UBN1: variants seen among roughly 807,000 people sequenced by gnomAD.
UBN1 encodes ubinuclein-1.
A neutral mutation model predicts 108.5 loss-of-function variants in UBN1; 17 were observed. The observed-to-expected ratio is 0.16, with a 90% CI of 0.11 to 0.24. The LOEUF (loss-of-function observed/expected upper bound fraction) is 0.24, where lower values mean the gene tolerates loss of function less well. UBN1 is among the 10% of genes least tolerant of loss of function. UBN1 has a pLI of 1.00. For synonymous variants in UBN1, 726 were observed against 564.2 expected, an observed-to-expected ratio of 1.29 and a Z score of -4.07; for missense variants, 1,595 against 1,394.4, an observed-to-expected ratio of 1.14 and a Z score of -2.29.
intron 3 of UBN1, among the ~76,000 whole-genome samples, chr16:4,858,302 G>A (rs923187645): frequency 2.0e-5 from 3 of 152,182 alleles, no homozygotes; most frequent in African/African-American, 7.2e-5. Context: ...AAGGGCCTGT[G>A]GTCGCCTTAG....
At chr16:4,857,963 A>ATT (rs1567898099) in intron 2 of UBN1, 27 bp from the exon 3 acceptor site, 2 of 1,539,132 alleles carry the variant, frequency 1.3e-6, no homozygotes, top group African/African-American at 2.8e-5. Context: ...TTTCTGACTT[A>ATT]TTTTTTGTGG....
At chr16:4,855,693 C>T (rs1015372700) in intron 2 of UBN1, among the ~76,000 whole-genome samples, 31 of 150,744 alleles carry the variant, frequency 2.1e-4, no homozygotes, top group African/African-American at 7.4e-4. Flanking sequence ...CCGAGGCAGG[C>T]GGATCACTTG....
intron 7 of UBN1, among the ~76,000 whole-genome samples, chr16:4,866,703 G>A (rs182568918): frequency 6.6e-5 from 10 of 152,274 alleles, no homozygotes; most frequent in African/African-American, 2.4e-4. Flanking sequence ...AGTAGAGACA[G>A]GGTCTCATCA....
At position 4,873,171 on chromosome 16, in the gene UBN1, G is replaced by C. The variant is rs1333486433; in HGVS notation, c.1800+98G>C. 8.5e-6 allele frequency: 13 copies of C among 1,535,860 alleles called. No individual in the cohort carries two copies. The African/African-American group carries it at 9.5e-5, about 11-fold the overall frequency. ...TGACTGTGGAAGCTCATTGATCTTT[G>C]CTCGTCTGGGGACAGCTGCTCAGGA... is the stretch of plus-strand genomic sequence containing the variant. On this transcript the variant is annotated intron_variant, in intron 14 of 17. Transcript: ENST00000262376.
chr16:4,877,709 C>A lies in UBN1; in HGVS notation c.3355+235C>A, dbSNP rs2087951762. The A allele has an allele frequency of 8.1e-7, 1 of 1,227,938 alleles. No individual in the cohort carries two copies. The highest frequency in any genetic ancestry group is 1.0e-6 in the Non-Finnish European group (1 of 984,832). 76.1% of individuals were successfully genotyped at this position (1,227,938 alleles called of 1,614,324 possible). On this transcript the variant is annotated intron_variant, in intron 17 of 17. Transcript: ENST00000262376. This position sits in a 1 kb window ranked among gnomAD's most constrained non-coding sequence, Gnocchi z 4.3. ...CCAGGTCAGCCTCAGCCTGTGTGAT[C>A]ACAGGGAAAGTTGCGGGGGGCAGGG... is the stretch of plus-strand genomic sequence containing the variant.
chr16:4,863,983 GATCC>G (rs1170294211), intron 7 of UBN1, among the ~76,000 whole-genome samples: 2 of 151,868 alleles, frequency 1.3e-5, no homozygotes, highest in Non-Finnish European at 2.9e-5. Context: ...GAGCCGCCCA[GATCC>G]AAGGATTAGG....
chr16:4,861,117 T>G lies in UBN1; in HGVS notation c.1110+15T>G, dbSNP rs2087038127. ...AGCTGGCTCAGGTATGGTGGCACAG[T>G]GCGGCTGGGCTTTCCTGGAAGCAGT... On this transcript the variant is annotated intron_variant, in intron 7 of 17. Transcript: ENST00000262376. 1 of 1,602,824 alleles carries G rather than the reference T, an allele frequency of 6.2e-7. No homozygotes were observed. Among genetic ancestry groups the G allele is most frequent in the African/African-American group, 1.3e-5 (1 of 74,684 alleles).
At position 4,874,418 on chromosome 16, in the gene UBN1, G is replaced by A. The variant is rs754903112; in HGVS notation, c.2008G>A (p.Ala670Thr). Residue 670 changes from alanine to threonine, a missense_variant, in exon 15 of 18, where the codon GCC becomes ACC. Physicochemically the swap from Ala to Thr is moderately conservative, Grantham distance 58. This residue lies in a region of UBN1 where 1,398 missense variants were observed against 1,194.7 expected (regional missense o/e 1.17). Transcript: ENST00000262376. ...GGATGAAGACTTGATCCGCAATCCA[G>A]CCTCCTCGGTGGAAGCCGTGTCCAA... is the stretch of plus-strand genomic sequence containing the variant. ...SLDEDLIRNP[A>T]SSVEAVSKEL... 3 of 1,613,948 alleles carry A rather than the reference G, an allele frequency of 1.9e-6. No individual in the cohort carries two copies. The highest frequency in any genetic ancestry group is 2.2e-5 in the South Asian group (2 of 91,078).
At position 4,853,072 on chromosome 16, in the gene UBN1, T is replaced by A; in HGVS notation, c.155T>A (p.Phe52Tyr). The A allele has an allele frequency of 1.9e-6, 3 of 1,614,174 alleles. No homozygotes were observed. Among genetic ancestry groups the A allele is most frequent in the Non-Finnish European group, 2.5e-6 (3 of 1,180,036 alleles). ...GCTGTTCGGATTACACTCACCCTCT[T>A]TGAACCAGATCACAAACGCTGCCCA... Reference protein sequence around the residue: ...AAAVRITLTLFEPDHKRCPEF... With the variant: ...AAAVRITLTLYEPDHKRCPEF... Residue 52 changes from phenylalanine (F) to tyrosine (Y), a missense_variant, in exon 2 of 18, where the codon TTT (phenylalanine) becomes TAT (tyrosine). By Grantham distance (22) the Phe-to-Tyr change is conservative (BLOSUM62 3). Coordinates refer to ENST00000262376, the MANE Select transcript of UBN1 (RefSeq NM_001079514.3).
chr16:4,863,219 A>G (rs895216826), intron 7 of UBN1, among the ~76,000 whole-genome samples: 4 of 152,182 alleles, frequency 2.6e-5, no homozygotes, highest in Admixed American at 2.0e-4. Flanking sequence ...TAAAGCCCTC[A>G]TGACTTTTTA....
chr16:4,864,093 T>C (rs2087202743), intron 7 of UBN1, among the ~76,000 whole-genome samples: 1 of 139,830 alleles, frequency 7.2e-6, no homozygotes, highest in Admixed American at 7.1e-5. Context: ...TTTTTTTTTT[T>C]TTTTTGAGAC....
intron 2 of UBN1, among the ~76,000 whole-genome samples, chr16:4,856,262 G>C (rs1395234740): frequency 6.6e-6 from 1 of 152,110 alleles, no homozygotes; most frequent in Non-Finnish European, 1.5e-5. Flanking sequence ...AAAAATGCAT[G>C]GAGGATACAC....
intron 17 of UBN1, among the ~76,000 whole-genome samples, chr16:4,878,513 A>G (rs1193819547): frequency 6.6e-6 from 1 of 152,164 alleles, no homozygotes; most frequent in Non-Finnish European, 1.5e-5. Flanking sequence ...CTAAATCTGT[A>G]AATCTCCACA....
At chr16:4,869,413 G>A (rs1227041749) in intron 8 of UBN1, among the ~76,000 whole-genome samples, 2 of 152,202 alleles carry the variant, frequency 1.3e-5, no homozygotes, top group African/African-American at 4.8e-5. Flanking sequence ...TGTGTGAATC[G>A]GGTTAAAAAA....
chr16:4,882,381 T>C lies in UBN1; in HGVS notation c.*2249T>C, dbSNP rs1385889061. On this transcript the variant is annotated 3_prime_UTR_variant, in exon 18 of 18. Transcript: ENST00000262376. The stretch of plus-strand genomic sequence containing the variant: ...CAAAACATTTTTTCTCACTCTTTTC[T>C]TTCTACCATGTGGAAGTAAGTAGTT... The C allele has an allele frequency of 6.6e-6, 1 of 151,894 alleles. No individual in the cohort carries two copies. The highest frequency in any genetic ancestry group is 1.5e-5 in the Non-Finnish European group (1 of 68,008). 9.4% of individuals were successfully genotyped at this position (151,894 alleles called of 1,614,324 possible). A position where few individuals can be genotyped will look rare whatever the true frequency, so the allele number is the denominator to read the frequency against.
intron 7 of UBN1, among the ~76,000 whole-genome samples, chr16:4,867,744 T>C (rs1299918274): frequency 6.6e-6 from 1 of 152,004 alleles, no homozygotes; most frequent in Non-Finnish European, 1.5e-5. Flanking sequence ...CCCCAGAGGA[T>C]GCAGTGAGAG....
chr16:4,868,530 G>C (rs2087445966), intron 7 of UBN1, among the ~76,000 whole-genome samples: 1 of 152,184 alleles, frequency 6.6e-6, no homozygotes, highest in African/African-American at 2.4e-5. Flanking sequence ...GGGTGCAGGG[G>C]TTAGTTGGCC....
At chr16:4,879,823 C>T (rs888393575) in intron 17 of UBN1, among the ~76,000 whole-genome samples, 1 of 152,224 alleles carries the variant, frequency 6.6e-6, no homozygotes, top group East Asian at 1.9e-4. Context: ...CCAAGTTGCA[C>T]AGCAGAGTTG....
At position 4,870,201 on chromosome 16, in the gene UBN1, T is replaced by G. The variant is rs913482217; in HGVS notation, c.1182-11T>G. 5.6e-6 allele frequency: 9 copies of G among 1,614,008 alleles called. No individual in the cohort carries two copies. The highest frequency in any genetic ancestry group is 7.6e-6 in the Non-Finnish European group (9 of 1,179,986). Reference sequence around the variant, plus strand: ...AGCTGCAGCCGGTGGTGACTGTGTTTTGTTCTTCAGCATAGAGGCGCAGAC... The same window carrying G: ...AGCTGCAGCCGGTGGTGACTGTGTTGTGTTCTTCAGCATAGAGGCGCAGAC... On this transcript the variant is annotated splice_polypyrimidine_tract_variant and intron_variant, in intron 8 of 17. Transcript: ENST00000262376.
Sources: allele counts gnomAD v4.1 joint callset (sites outside exome capture counted in the v4.1 genomes callset), GRCh38; gene constraint gnomAD v4.1.1; regional missense constraint gnomAD v4.1.1; non-coding constraint Gnocchi (gnomAD v3.1); transcripts MANE v1.5; gene names NCBI Gene and HGNC (gene_info 2026-07-23, HGNC 2026-07-21).